The following ZKSCAN2 variants were observed in gnomAD, a reference collection of about 807,000 sequenced individuals.
The protein encoded by ZKSCAN2 is zinc finger protein with KRAB and SCAN domains 2.
A neutral mutation model predicts 90.5 loss-of-function variants in ZKSCAN2; 38 were observed. The ratio of observed to expected loss-of-function variants is 0.42; its 90% CI spans 0.32 to 0.55. ZKSCAN2 has a LOEUF of 0.55. Ranked by LOEUF, ZKSCAN2 falls within the 20% of genes least tolerant of loss-of-function variation. The probability of loss-of-function intolerance (pLI) is 0.11; values close to 1 mark genes in which losing one functional copy is unlikely to be tolerated. For synonymous variants in ZKSCAN2, 429 were observed against 421.6 expected, an observed-to-expected ratio of 1.02 and a Z score of -0.22; for missense variants, 1,167 against 1,202.6, an observed-to-expected ratio of 0.97 and a Z score of 0.44.
Position 25,244,184 on chromosome 16 carries a change from T to C in ZKSCAN2, c.1582A>G (p.Ser528Gly). 1 of 1,614,140 alleles carries C rather than the reference T, an allele frequency of 6.2e-7. No individual in the cohort carries two copies. Among genetic ancestry groups the C allele is most frequent in the South Asian group, 1.1e-5 (1 of 91,088 alleles). Residue 528 changes from serine to glycine, a missense_variant, in exon 6 of 7, where the codon AGC becomes GGC. Ser to Gly is a moderately conservative substitution (Grantham distance 56). Coordinates refer to ENST00000328086, the MANE Select transcript of ZKSCAN2 (RefSeq NM_001012981.5). The part of the protein sequence containing the change: ...YEALQACHRK[S>G]KLYGAVAEQL... Reference sequence around the variant, plus strand: ...TCAGCTACAGCCCCATACAATTTGCTCTTCCGATGACAGGCTTGAAGCGCT... The same window carrying C: ...TCAGCTACAGCCCCATACAATTTGCCCTTCCGATGACAGGCTTGAAGCGCT...
rs1008514153 is a variant in ZKSCAN2 at position 25,244,143 on chromosome 16, G to A, written c.1623C>T (p.Cys541=). 1.2e-5 allele frequency: 20 copies of A among 1,614,108 alleles called. No individual in the cohort carries two copies. The highest frequency in any genetic ancestry group is 1.6e-4 in the Middle Eastern group (1 of 6,062). ...ACTGTTCTGGTGTCCGGAGGAAGCC[G>A]CACTCTCGAAGCTGTTCAGCTACAG... The part of the protein sequence containing the change: ...YGAVAEQLRE[C]GFLRTPEQCR... The change falls in exon 6 of 7, where the codon TGC becomes TGT. Residue 541 remains cysteine, a synonymous_variant. Transcript: ENST00000328086.
chr16:25,241,153 C>A (rs924014608), intron 6 of ZKSCAN2, among the ~76,000 whole-genome samples: 1 of 152,214 alleles, frequency 6.6e-6, no homozygotes, highest in African/African-American at 2.4e-5. Flanking sequence ...AATTCCTCTA[C>A]ATATCTAATC....
At position 25,246,932 on chromosome 16, in the gene ZKSCAN2, T is replaced by C. The variant is rs1440054330; in HGVS notation, c.1264A>G (p.Met422Val). The change falls in exon 5 of 7, where the codon ATG (methionine) becomes GTG (valine). Residue 422 changes from methionine (M) to valine (V), a missense_variant. Transcript: ENST00000328086. ...GCTGCAGGGTTCAACAAAGCATCCATGTCCTCAAAGAAGGCGCAGGGTTCT... is the reference window on the plus strand; with the variant it reads ...GCTGCAGGGTTCAACAAAGCATCCACGTCCTCAAAGAAGGCGCAGGGTTCT... Reference protein sequence around the residue: ...MLEPCAFFEDMDALLNPAARA... With the variant: ...MLEPCAFFEDVDALLNPAARA... 6.2e-6 allele frequency: 10 copies of C among 1,614,178 alleles called. No homozygotes were observed. The highest frequency in any genetic ancestry group is 3.3e-5 in the Admixed American group (2 of 60,026).
At position 25,257,118 on chromosome 16, in the gene ZKSCAN2, C is replaced by A; in HGVS notation, c.10G>T (p.Ala4Ser). 6.2e-7 allele frequency: 1 copy of A among 1,600,756 alleles called. No individual in the cohort carries two copies. The change falls in exon 1 of 7, where the codon GCC (alanine) becomes TCC (serine). Residue 4 changes from alanine (A) to serine (S), a missense_variant. Physicochemically the swap from Ala to Ser is moderately conservative, Grantham distance 99 (BLOSUM62 1). Transcript: ENST00000328086. MAV[A>S]LDSQIDAPLE... is the part of the protein sequence containing the mutation. ...GGCGCGTCGATCTGAGAGTCGAGGG[C>A]GACAGCCATGCTGCAGCCCAGGGGT...
intron 6 of ZKSCAN2, among the ~76,000 whole-genome samples, chr16:25,242,455 G>A (rs902817204): frequency 1.3e-5 from 2 of 152,142 alleles, no homozygotes; most frequent in Non-Finnish European, 2.9e-5. Flanking sequence ...TGATTGCCGA[G>A]GGCTTAATCT....
intron 5 of ZKSCAN2, among the ~76,000 whole-genome samples, chr16:25,245,208 G>A (rs533239822): frequency 1.7e-4 from 26 of 152,234 alleles, no homozygotes; most frequent in African/African-American, 6.0e-4. Context: ...GGGCTCAAGC[G>A]ACCCTCTCGC....
rs1962772368 is a variant in ZKSCAN2, at chr16:25,236,710, CTG to C, written c.*3104_*3105del. ...GTGTGAGGTTTCCCTTTTTAAAAAA[CTG>C]TTTCTTTCCAGATGAATGAATTAGG... is the stretch of plus-strand genomic sequence containing the variant. On this transcript the variant is annotated 3_prime_UTR_variant, in exon 7 of 7. Transcript: ENST00000328086. The C allele has an allele frequency of 6.6e-6, 1 of 152,206 alleles. No individual in the cohort carries two copies. Among genetic ancestry groups the C allele is most frequent in the African/African-American group, 2.4e-5 (1 of 41,456 alleles). The allele number at this position is 152,206 out of a possible 1,614,324, so 9.4% of individuals were successfully genotyped here.
intron 2 of ZKSCAN2, among the ~76,000 whole-genome samples, chr16:25,253,264 G>A (rs1314766602): frequency 6.6e-6 from 1 of 152,140 alleles, no homozygotes; most frequent in Non-Finnish European, 1.5e-5. Flanking sequence ...AGGGGACCAG[G>A]TAAGGACTGT....
At chr16:25,256,667 G>A in intron 1 of ZKSCAN2, 62 bp downstream of exon 1, 1 of 1,531,642 alleles carries the variant, frequency 6.5e-7, no homozygotes. Context: ...ATACATCCCT[G>A]CCCACATGCC....
chr16:25,250,737 A>AT (rs1488043186), intron 4 of ZKSCAN2, among the ~76,000 whole-genome samples: 12 of 152,136 alleles, frequency 7.9e-5, no homozygotes, highest in Non-Finnish European at 1.8e-4. Context: ...AAATATACAC[A>AT]ATTTTATTTG....
At chr16:25,248,282 C>CAAAAAAAAA (rs55673563) in intron 4 of ZKSCAN2, among the ~76,000 whole-genome samples, 26 of 23,172 alleles carry the variant, frequency 1.1e-3, no homozygotes, top group Admixed American at 2.1e-3. Context: ...TTCTATACAG[C>CAAAAAAAAA]AAAAAAAAAA....
chr16:25,240,536 C>T lies in ZKSCAN2; in HGVS notation c.2184G>A (p.Gln728=). 6.2e-7 allele frequency: 1 copy of T among 1,614,204 alleles called. No individual in the cohort carries two copies. Among genetic ancestry groups the T allele is most frequent in the Non-Finnish European group, 8.5e-7 (1 of 1,180,030 alleles). Residue 728 remains glutamine (Q), a synonymous_variant, in exon 7 of 7, where the codon CAG becomes CAA. Coordinates refer to ENST00000328086, the MANE Select transcript of ZKSCAN2 (RefSeq NM_001012981.5). Reference sequence around the variant, plus strand: ...CAACGGCTTTCCCTAAATCTCTAGGCTGAGACATCGGCTTTCCCTGTCTAA... The same window carrying T: ...CAACGGCTTTCCCTAAATCTCTAGGTTGAGACATCGGCTTTCCCTGTCTAA... ...QGIRQGKPMS[Q]PRDLGKAVVH... is the part of the protein sequence containing the mutation.
chr16:25,246,839 T>C lies in ZKSCAN2; in HGVS notation c.1357A>G (p.Ser453Gly), dbSNP rs1184448617. ...PVPRLKRIAI[S>G]AKEHISLVEE... ...ACCAAGCTGATGTGTTCCTTAGCACTGATGGCAATTCTCTTCAGTCTGGGG... is the reference window on the plus strand; with the variant it reads ...ACCAAGCTGATGTGTTCCTTAGCACCGATGGCAATTCTCTTCAGTCTGGGG... The change falls in exon 5 of 7, where the codon AGT becomes GGT. Residue 453 changes from serine (S) to glycine (G), a missense_variant. Transcript: ENST00000328086. The C allele has an allele frequency of 6.2e-7, 1 of 1,614,246 alleles. No homozygotes were observed. Among genetic ancestry groups the C allele is most frequent in the East Asian group, 2.2e-5 (1 of 44,890 alleles).
In ZKSCAN2 at chr16:25,240,477, T is replaced by C; in HGVS notation, c.2243A>G (p.Tyr748Cys). Residue 748 changes from tyrosine (Y) to cysteine (C), a missense_variant, in exon 7 of 7, where the codon TAC becomes TGC. Tyr to Cys is a radical substitution (Grantham distance 194). Transcript: ENST00000328086. ...HQRPFVGKRPYRLLKYGESFG... is the reference protein window; with the variant it reads ...HQRPFVGKRPCRLLKYGESFG... The stretch of plus-strand genomic sequence containing the variant: ...GCTTTCTCCATATTTGAGAAGTCTG[T>C]AGGGTCTCTTCCCCACAAAAGGCCT... 1.9e-6 allele frequency: 3 copies of C among 1,614,184 alleles called. No individual in the cohort carries two copies. The highest frequency in any genetic ancestry group is 2.5e-6 in the Non-Finnish European group (3 of 1,180,034).
At position 25,255,340 on chromosome 16, in the gene ZKSCAN2, T is replaced by A; in HGVS notation, c.452A>T (p.Glu151Val). ...EKHSPLGAAW[E>V]VADFQPEQVE... is the part of the protein sequence containing the mutation. Reference sequence around the variant, plus strand: ...CTGCTCTGGCTGGAAGTCTGCCACCTCCCACGCTGCTCCAAGTGGGGAGTG... The same window carrying A: ...CTGCTCTGGCTGGAAGTCTGCCACCACCCACGCTGCTCCAAGTGGGGAGTG... The change falls in exon 2 of 7, where the codon GAG becomes GTG. Residue 151 changes from glutamate (E) to valine (V), a missense_variant. Glu to Val is a moderately radical substitution (Grantham distance 121, BLOSUM62 -2). Coordinates refer to ENST00000328086, the MANE Select transcript of ZKSCAN2 (RefSeq NM_001012981.5). The A allele has an allele frequency of 1.9e-6, 3 of 1,613,430 alleles. No homozygotes were observed. Among genetic ancestry groups the A allele is most frequent in the Non-Finnish European group, 2.5e-6 (3 of 1,179,914 alleles).
rs770384331 is a variant in ZKSCAN2 at position 25,244,014 on chromosome 16, G to A, written c.1752C>T (p.Asn584=). 5.6e-6 allele frequency: 9 copies of A among 1,614,050 alleles called. 1 individual carries two copies. Among genetic ancestry groups the A allele is most frequent in the Middle Eastern group, 1.6e-4 (1 of 6,084 alleles). ...TGGGGGAAGGAGCAGATGCCCGAGA[G>A]TTAATCAGGGCATCCATCTCCTTGT... ...AFYKEMDALI[N]SRASAPSPST... Residue 584 remains asparagine, a synonymous_variant, in exon 6 of 7, where the codon AAC becomes AAT. Coordinates refer to ENST00000328086, the MANE Select transcript of ZKSCAN2 (RefSeq NM_001012981.5).
chr16:25,237,136 A>AGATCTAGATCAT lies in ZKSCAN2; in HGVS notation c.*2679_*2680insATGATCTAGATC, dbSNP rs1962782054. 6.6e-6 allele frequency: 1 copy of AGATCTAGATCAT among 152,514 alleles called. No individual in the cohort carries two copies. The highest frequency in any genetic ancestry group is 2.4e-5 in the African/African-American group (1 of 41,426). The allele number at this position is 152,514 out of a possible 1,614,324, so 9.4% of individuals were successfully genotyped here. A position where few individuals can be genotyped will look rare whatever the true frequency, so the allele number is the denominator to read the frequency against. On this transcript the variant is annotated 3_prime_UTR_variant, in exon 7 of 7. Transcript: ENST00000328086. Reference sequence around the variant, plus strand: ...CTTTCCTTGGCACTGAGATCTAGATAAAAAAACCTTTTTCTATGAATCTTC... The same window carrying AGATCTAGATCAT: ...CTTTCCTTGGCACTGAGATCTAGATAGATCTAGATCATAAAAAACCTTTTTCTATGAATCTTC...
chr16:25,255,066 A>C, intron 2 of ZKSCAN2, 140 bp downstream of exon 2: 4 of 820,198 alleles, frequency 4.9e-6, no homozygotes, highest in Non-Finnish European at 7.1e-6. Context: ...ACATGTTCCT[A>C]ATTCTTGAAG....
chr16:25,255,974 C>G (rs1343484204), intron 1 of ZKSCAN2, among the ~76,000 whole-genome samples: 2 of 152,186 alleles, frequency 1.3e-5, no homozygotes, highest in Non-Finnish European at 2.9e-5. Flanking sequence ...GACTCTATAT[C>G]TGTTACGTTC....
Sources: gnomAD v4.1 joint callset for allele counts (sites outside exome capture counted in the v4.1 genomes callset) on GRCh38, gnomAD v4.1.1 for gene constraint, MANE v1.5 for transcripts, NCBI Gene and HGNC (gene_info 2026-07-23, HGNC 2026-07-21) for gene names.